PIK3CG: variants seen among roughly 807,000 people sequenced by gnomAD.
PIK3CG encodes the protein phosphatidylinositol 4,5-bisphosphate 3-kinase catalytic subunit gamma isoform.
In PIK3CG, 55 loss-of-function variants were observed where a neutral mutation model predicts 102.3. That is an observed-to-expected ratio of 0.54 (90% CI 0.43 to 0.67). PIK3CG has a LOEUF of 0.67. PIK3CG is among the 30% of genes least tolerant of loss of function. PIK3CG has a pLI of 0.00. For synonymous variants in PIK3CG, 552 were observed against 540.0 expected, an observed-to-expected ratio of 1.02 and a Z score of -0.31; for missense variants, 1,258 against 1,391.8, an observed-to-expected ratio of 0.90 and a Z score of 1.53.
In PIK3CG at chr7:106,895,568, C is replaced by T. The variant is rs981471612; in HGVS notation, c.3030+9276C>T. On this transcript the variant is annotated intron_variant, in intron 10 of 10. Coordinates refer to ENST00000496166, the MANE Select transcript of PIK3CG (RefSeq NM_001282426.2). This position sits in a 1 kb window ranked among gnomAD's most constrained non-coding sequence, Gnocchi z 5.4. ...AGTGGGCCAGCACCATGACAGCCTCCCTTTGACACTGGTTGGAGTGAGGCT... is the reference window on the plus strand; with the variant it reads ...AGTGGGCCAGCACCATGACAGCCTCTCTTTGACACTGGTTGGAGTGAGGCT... Among the ~76,000 whole-genome samples, 1 of 152,208 alleles carries T rather than the reference C, an allele frequency of 6.6e-6. No homozygotes were observed. Among genetic ancestry groups the T allele is most frequent in the Admixed American group, 6.5e-5 (1 of 15,280 alleles).
Position 106,867,383 on chromosome 7 carries a change from A to C in PIK3CG, c.-12-167A>C, listed in dbSNP as rs1487476765. 6.6e-6 allele frequency among the ~76,000 whole-genome samples: 1 copy of C among 152,192 alleles called. No individual in the cohort carries two copies. Among genetic ancestry groups the C allele is most frequent in the East Asian group, 1.9e-4 (1 of 5,180 alleles). Reference sequence around the variant, plus strand: ...GCCAGGACTCACCGGCCCGACTCCAAAGCCCACGCTCTGAAGGGCTGTAGT... The same window carrying C: ...GCCAGGACTCACCGGCCCGACTCCACAGCCCACGCTCTGAAGGGCTGTAGT... On this transcript the variant is annotated intron_variant, in intron 1 of 10. Coordinates refer to ENST00000496166, the MANE Select transcript of PIK3CG (RefSeq NM_001282426.2). The surrounding 1 kb of genome is among the most constrained non-coding windows in gnomAD (Gnocchi z 5.1).
chr7:106,901,831 G>C (rs1204414586), intron 10 of PIK3CG, among the ~76,000 whole-genome samples: 1 of 152,164 alleles, frequency 6.6e-6, no homozygotes, highest in Non-Finnish European at 1.5e-5. Context: ...ATGTTAGTGA[G>C]GTATTTTTGG....
rs2116432591 is a variant in PIK3CG at position 106,868,173 on chromosome 7, C to T, written c.612C>T (p.Ser204=). Residue 204 remains serine, a synonymous_variant, in exon 2 of 11, where the codon TCC becomes TCT. Transcript: ENST00000496166. This position sits in a 1 kb window ranked among gnomAD's most constrained non-coding sequence, Gnocchi z 6.2. ...ACGCCATGCACCCGTGGGTGACGTC[C>T]AAGCCCCTCCCGGAGTACCTGTGGA... is the stretch of plus-strand genomic sequence containing the variant. ...KLYAMHPWVT[S]KPLPEYLWKK... is the part of the protein sequence containing the mutation. The T allele has an allele frequency of 6.2e-7, 1 of 1,612,796 alleles. No individual in the cohort carries two copies. The highest frequency in any genetic ancestry group is 1.1e-5 in the South Asian group (1 of 91,088).
chr7:106,889,890 T>G (rs947501863), intron 10 of PIK3CG, among the ~76,000 whole-genome samples: 3 of 152,216 alleles, frequency 2.0e-5, no homozygotes, highest in African/African-American at 4.8e-5. Flanking sequence ...GCCCAGCGTT[T>G]GAACCCAGGA....
intron 10 of PIK3CG, among the ~76,000 whole-genome samples, chr7:106,896,122 T>G (rs1791401947): frequency 1.3e-5 from 2 of 152,218 alleles, no homozygotes; most frequent in African/African-American, 4.8e-5. Context: ...CAGAAATTCT[T>G]TATGTGAGTG....
intron 10 of PIK3CG, among the ~76,000 whole-genome samples, chr7:106,887,518 G>T (rs931208253): frequency 6.6e-6 from 1 of 152,132 alleles, no homozygotes; most frequent in Non-Finnish European, 1.5e-5. Flanking sequence ...TTGTTCTCCT[G>T]ACTGATTTTC....
In PIK3CG at chr7:106,867,371, G is replaced by A. The variant is rs530552144; in HGVS notation, c.-12-179G>A. Among the ~76,000 whole-genome samples the A allele has an allele frequency of 6.6e-6, 1 of 152,264 alleles. No individual in the cohort carries two copies. The highest frequency in any genetic ancestry group is 6.5e-5 in the Admixed American group (1 of 15,292). ...GTAAGTGGCTGGGCCAGGACTCACC[G>A]GCCCGACTCCAAAGCCCACGCTCTG... On this transcript the variant is annotated intron_variant, in intron 1 of 10. Transcript: ENST00000496166. The surrounding 1 kb of genome is among the most constrained non-coding windows in gnomAD (Gnocchi z 5.1).
At position 106,867,785 on chromosome 7, in the gene PIK3CG, G is replaced by A. The variant is rs1790354083; in HGVS notation, c.224G>A (p.Trp75Ter). 1 of 1,612,750 alleles carries A rather than the reference G, an allele frequency of 6.2e-7. No homozygotes were observed. Residue 75 changes from tryptophan (W) to a stop codon, truncating the protein, a stop_gained, in exon 2 of 11, where the codon TGG (tryptophan) becomes TAG (stop). Transcript: ENST00000496166. LOFTEE classifies it high-confidence loss of function. The surrounding 1 kb of genome is among the most constrained non-coding windows in gnomAD (Gnocchi z 5.1). ...GTGGAGCAGATGAAGGCCCAGGTGTGGCTGCGAGCGCTGGAGACCAGCGTG... is the reference window on the plus strand; with the variant it reads ...GTGGAGCAGATGAAGGCCCAGGTGTAGCTGCGAGCGCTGGAGACCAGCGTG... ...GNVEQMKAQV[W>*]LRALETSVAA...
Position 106,882,195 on chromosome 7 carries a change from G to C in PIK3CG, c.2617G>C (p.Gly873Arg), listed in dbSNP as rs1240203022. Residue 873 changes from glycine to arginine, a missense_variant, in exon 7 of 11, where the codon GGT becomes CGT. This residue lies in a region of PIK3CG where 426 missense variants were observed against 604.2 expected (regional missense o/e 0.71). Coordinates refer to ENST00000496166, the MANE Select transcript of PIK3CG (RefSeq NM_001282426.2). The part of the protein sequence containing the change: ...CLLPYGCIST[G>R]DKIGMIEIVK... ...CCTGCCATATGGTTGCATTTCAACT[G>C]GTGACAAAATAGGTATGTAGTTACC... The C allele has an allele frequency of 1.3e-6, 2 of 1,570,224 alleles. No individual in the cohort carries two copies. The highest frequency in any genetic ancestry group is 2.3e-5 in the South Asian group (2 of 85,376).
rs947160837 is a variant in PIK3CG at position 106,882,964 on chromosome 7, A to G, written c.2630-69A>G. 17 of 1,450,040 alleles carry G rather than the reference A, an allele frequency of 1.2e-5. No homozygotes were observed. In the South Asian group the frequency reaches 1.5e-4, roughly 12 times the overall value. 89.8% of individuals were successfully genotyped at this position (1,450,040 alleles called of 1,614,324 possible). A position where few individuals can be genotyped will look rare whatever the true frequency, so the allele number is the denominator to read the frequency against. ...CCTCTGCCCTTCACTCAACAAAGACATAGCCTTTCCTCCTCTGGGCCAGGT... is the reference window on the plus strand; with the variant it reads ...CCTCTGCCCTTCACTCAACAAAGACGTAGCCTTTCCTCCTCTGGGCCAGGT... On this transcript the variant is annotated intron_variant, in intron 7 of 10. Coordinates refer to ENST00000496166, the MANE Select transcript of PIK3CG (RefSeq NM_001282426.2).
Position 106,874,768 on chromosome 7 carries a change from C to T in PIK3CG, c.2356C>T (p.Pro786Ser), listed in dbSNP as rs267601224. 6.2e-7 allele frequency: 1 copy of T among 1,613,790 alleles called. No homozygotes were observed. The part of the protein sequence containing the change: ...NSQLPESFRV[P>S]YDPGLKAGAL... ...TCAACTCCCCGAAAGCTTTAGAGTT[C>T]CATATGATCCTGGACTGAAAGCAGG... is the stretch of plus-strand genomic sequence containing the variant. Residue 786 changes from proline to serine, a missense_variant, in exon 5 of 11, where the codon CCA (proline) becomes TCA (serine). Physicochemically the swap from Pro to Ser is moderately conservative, Grantham distance 74. This residue lies in a region of PIK3CG where 426 missense variants were observed against 604.2 expected (regional missense o/e 0.71). Coordinates refer to ENST00000496166, the MANE Select transcript of PIK3CG (RefSeq NM_001282426.2). The surrounding 1 kb of genome is among the most constrained non-coding windows in gnomAD (Gnocchi z 4.3).
rs2116546674 is a variant in PIK3CG at position 106,883,194 on chromosome 7, C to T, written c.2760+31C>T. On this transcript the variant is annotated intron_variant, in intron 8 of 10. Coordinates refer to ENST00000496166, the MANE Select transcript of PIK3CG (RefSeq NM_001282426.2). This position sits in a 1 kb window ranked among gnomAD's most constrained non-coding sequence, Gnocchi z 5.8. ...CTCATGCTTTTTCCCAGTCTAATGG[C>T]TCCTTACAAGTTGTCATTTATATAG... 6.2e-7 allele frequency: 1 copy of T among 1,612,742 alleles called. No individual in the cohort carries two copies. The highest frequency in any genetic ancestry group is 1.1e-5 in the South Asian group (1 of 91,028).
intron 5 of PIK3CG, among the ~76,000 whole-genome samples, chr7:106,878,932 T>G (rs1368382128): frequency 6.6e-6 from 1 of 152,210 alleles, no homozygotes; most frequent in Non-Finnish European, 1.5e-5. Context: ...ACACCTACCT[T>G]TTTTATGTTT....
chr7:106,872,742 G>C lies in PIK3CG; in HGVS notation c.2091G>C (p.Trp697Cys), dbSNP rs1467713993. 4 of 1,613,962 alleles carry C rather than the reference G, an allele frequency of 2.5e-6. No individual in the cohort carries two copies. Among genetic ancestry groups the C allele is most frequent in the Non-Finnish European group, 3.4e-6 (4 of 1,179,926 alleles). The change falls in exon 4 of 11, where the codon TGG becomes TGC. Residue 697 changes from tryptophan (W) to cysteine (C), a missense_variant. Coordinates refer to ENST00000496166, the MANE Select transcript of PIK3CG (RefSeq NM_001282426.2). The surrounding 1 kb of genome is among the most constrained non-coding windows in gnomAD (Gnocchi z 5.3). ...RNKRIGHFLF[W>C]FLRSEIAQSR... is the part of the protein sequence containing the mutation. ...AAAGAATTGGTCACTTTTTGTTTTG[G>C]TTCTTGAGAAGTGAGATAGCCCAGT...
chr7:106,904,505 T>G (rs1458309882), intron 10 of PIK3CG, among the ~76,000 whole-genome samples: 1 of 152,196 alleles, frequency 6.6e-6, no homozygotes, highest in African/African-American at 2.4e-5. Context: ...CCAAAGCTTT[T>G]TGGGGGACCA....
Position 106,884,040 on chromosome 7 carries a change from C to G in PIK3CG, c.2761-115C>G. 1.3e-6 allele frequency: 1 copy of G among 768,264 alleles called. No individual in the cohort carries two copies. Among genetic ancestry groups the G allele is most frequent in the Non-Finnish European group, 2.2e-6 (1 of 454,564 alleles). 47.6% of individuals were successfully genotyped at this position (768,264 alleles called of 1,614,324 possible). A position where few individuals can be genotyped will look rare whatever the true frequency, so the allele number is the denominator to read the frequency against. ...ATAATGCTAATGAAATCAGGCACAA[C>G]TAACTTGCTCTCTGAAAATGGTTTC... On this transcript the variant is annotated intron_variant, in intron 8 of 10. Transcript: ENST00000496166. This position sits in a 1 kb window ranked among gnomAD's most constrained non-coding sequence, Gnocchi z 4.2.
chr7:106,871,764 T>C (rs929316593), intron 2 of PIK3CG, among the ~76,000 whole-genome samples: 3 of 152,232 alleles, frequency 2.0e-5, no homozygotes, highest in African/African-American at 7.2e-5. Context: ...CAAGATTTAA[T>C]TGTGTTTTTT....
rs557795286 is a variant in PIK3CG at position 106,877,248 on chromosome 7, A to G, written c.2392-2271A>G. Reference sequence around the variant, plus strand: ...TAATCCAGTGCCTCAGCCTGGGGTAATCCCTCTGTCTGCCAAGGGACATTT... The same window carrying G: ...TAATCCAGTGCCTCAGCCTGGGGTAGTCCCTCTGTCTGCCAAGGGACATTT... On this transcript the variant is annotated intron_variant, in intron 5 of 10. Transcript: ENST00000496166. The surrounding 1 kb of genome is among the most constrained non-coding windows in gnomAD (Gnocchi z 4.5). Among the ~76,000 whole-genome samples the G allele has an allele frequency of 1.3e-5, 2 of 152,298 alleles. No homozygotes were observed. The highest frequency in any genetic ancestry group is 2.1e-4 in the South Asian group (1 of 4,824).
chr7:106,897,731 A>G lies in PIK3CG; in HGVS notation c.3031-7378A>G, dbSNP rs1465404984. ...TGATCTCATTCTTTTTTATGGCTGC[A>G]TAGTATTCCATGGTGTATATGTACC... On this transcript the variant is annotated intron_variant, in intron 10 of 10. Coordinates refer to ENST00000496166, the MANE Select transcript of PIK3CG (RefSeq NM_001282426.2). The surrounding 1 kb of genome is among the most constrained non-coding windows in gnomAD (Gnocchi z 4.6). Among the ~76,000 whole-genome samples, 1 of 152,162 alleles carries G rather than the reference A, an allele frequency of 6.6e-6. No homozygotes were observed. Among genetic ancestry groups the G allele is most frequent in the African/African-American group, 2.4e-5 (1 of 41,434 alleles).
Sources: allele counts gnomAD v4.1 joint callset (sites outside exome capture counted in the v4.1 genomes callset), GRCh38; gene constraint gnomAD v4.1.1; regional missense constraint gnomAD v4.1.1; non-coding constraint Gnocchi (gnomAD v3.1); transcripts MANE v1.5; gene names NCBI Gene and HGNC (gene_info 2026-07-23, HGNC 2026-07-21).